PID1: variants seen among roughly 807,000 people sequenced by gnomAD.
PID1 encodes the protein PTB-containing, cubilin and LRP1-interacting protein.
A neutral mutation model predicts 19.1 loss-of-function variants in PID1; 10 were observed. That is an observed-to-expected ratio of 0.52 (90% CI 0.32 to 0.89). The LOEUF (loss-of-function observed/expected upper bound fraction) is 0.89. Among genes scored for constraint, PID1 ranks in the 40% least tolerant of loss-of-function variants. The pLI, the probability that PID1 is intolerant of heterozygous loss-of-function variation, is 0.03. For synonymous variants in PID1, 130 were observed against 116.0 expected, an observed-to-expected ratio of 1.12 and a Z score of -0.78; for missense variants, 248 against 285.3, an observed-to-expected ratio of 0.87 and a Z score of 0.94.
intron 2 of PID1, among the ~76,000 whole-genome samples, chr2:229,068,260 G>T (rs548506761): frequency 6.6e-6 from 1 of 152,152 alleles, no homozygotes; most frequent in Non-Finnish European, 1.5e-5. Context: ...GGGTGGCCTG[G>T]TGTGTTGGGA....
intron 1 of PID1, among the ~76,000 whole-genome samples, chr2:229,197,248 C>T (rs1691397570): frequency 6.6e-6 from 1 of 151,768 alleles, no homozygotes; most frequent in South Asian, 2.1e-4. Flanking sequence ...TTGATATAAC[C>T]CAAATCAAAG....
chr2:229,174,358 G>A (rs531006344), intron 1 of PID1, among the ~76,000 whole-genome samples: 9 of 152,232 alleles, frequency 5.9e-5, no homozygotes, highest in Middle Eastern at 3.4e-3. Context: ...CGGAGCTCAC[G>A]GTCAGGTAAT....
At chr2:229,211,856 G>T (rs148365458) in intron 1 of PID1, among the ~76,000 whole-genome samples, 2 of 152,172 alleles carry the variant, frequency 1.3e-5, no homozygotes, top group Non-Finnish European at 2.9e-5. Flanking sequence ...CAATATATTC[G>T]CAAATTCCAA....
intron 1 of PID1, among the ~76,000 whole-genome samples, chr2:229,214,248 G>T (rs1048016934): frequency 2.7e-5 from 4 of 149,204 alleles, no homozygotes; most frequent in African/African-American, 9.9e-5. Flanking sequence ...CTAGCAAGTG[G>T]TAGAGCAAAG....
intron 1 of PID1, among the ~76,000 whole-genome samples, chr2:229,266,145 T>C (rs1458512605): frequency 2.6e-5 from 4 of 152,158 alleles, no homozygotes; most frequent in Non-Finnish European, 5.9e-5. Context: ...TCAACTACAA[T>C]TGATGAAAAC....
chr2:229,068,630 T>C (rs1296336767), intron 2 of PID1, among the ~76,000 whole-genome samples: 2 of 152,188 alleles, frequency 1.3e-5, no homozygotes, highest in Non-Finnish European at 2.9e-5. Context: ...TCTGACTTCC[T>C]TGAGGTGAAA....
intron 1 of PID1, among the ~76,000 whole-genome samples, chr2:229,169,702 T>C (rs899949076): frequency 2.0e-5 from 3 of 152,186 alleles, no homozygotes; most frequent in Non-Finnish European, 4.4e-5. Context: ...GTGGTCAGCT[T>C]CCTATCTGCC....
At chr2:229,046,349 T>TGA (rs771992742) in intron 2 of PID1, among the ~76,000 whole-genome samples, 1 of 102,138 alleles carries the variant, frequency 9.8e-6, no homozygotes, top group Non-Finnish European at 2.5e-5. Context: ...ATTAGGAAAG[T>TGA]GTGTGTGTGT....
intron 2 of PID1, among the ~76,000 whole-genome samples, chr2:229,079,389 T>A (rs987333363): frequency 6.6e-6 from 1 of 152,222 alleles, no homozygotes; most frequent in African/African-American, 2.4e-5. Flanking sequence ...AAATAACATA[T>A]CTATTGAATC....
chr2:229,127,652 T>G (rs890397471), intron 2 of PID1, among the ~76,000 whole-genome samples: 1 of 152,180 alleles, frequency 6.6e-6, no homozygotes, highest in Non-Finnish European at 1.5e-5. Context: ...GGTTGTACAG[T>G]GGCATCCCCG....
At chr2:229,035,384 G>A (rs912017356) in intron 2 of PID1, among the ~76,000 whole-genome samples, 3 of 152,046 alleles carry the variant, frequency 2.0e-5, no homozygotes, top group African/African-American at 7.2e-5. Flanking sequence ...GGACTCGCCA[G>A]CCCCTACAAT....
intron 2 of PID1, among the ~76,000 whole-genome samples, chr2:229,134,762 C>A (rs1290981154): frequency 6.6e-6 from 1 of 152,018 alleles, no homozygotes; most frequent in Non-Finnish European, 1.5e-5. Flanking sequence ...AGTCATGTGG[C>A]AGTATTAAGC....
chr2:229,101,971 C>T lies in PID1; in HGVS notation c.177+53847G>A, dbSNP rs191915342. On this transcript the variant is annotated intron_variant, in intron 2 of 2. Transcript: ENST00000392055. ...ATTGTCTAGGTGGGTCTAATGTAAT[C>T]ATCAAGGCCCTTAAATGTAGAGAGG... Among the ~76,000 whole-genome samples, 121 of 152,226 alleles carry T rather than the reference C, an allele frequency of 7.9e-4. 1 individual carries two copies. Among genetic ancestry groups the T allele is most frequent in the African/African-American group, 2.8e-3 (118 of 41,532 alleles).
intron 2 of PID1, 118 bp downstream of exon 2, chr2:229,155,700 T>G: frequency 1.1e-6 from 1 of 920,232 alleles, no homozygotes; most frequent in South Asian, 2.0e-5. Flanking sequence ...TTTATTTTGT[T>G]GGTCATTTTA....
At chr2:229,186,333 G>A (rs1200921155) in intron 1 of PID1, among the ~76,000 whole-genome samples, 2 of 152,218 alleles carry the variant, frequency 1.3e-5, no homozygotes, top group South Asian at 2.1e-4. Flanking sequence ...GAGTCTGGAG[G>A]ATGGTGGCCC....
intron 1 of PID1, among the ~76,000 whole-genome samples, chr2:229,193,259 G>A (rs561016486): frequency 6.6e-6 from 1 of 152,298 alleles, no homozygotes; most frequent in African/African-American, 2.4e-5. Context: ...CTGAGTTCAA[G>A]TGAGATTCTT....
At chr2:229,229,371 T>C (rs1022686680) in intron 1 of PID1, among the ~76,000 whole-genome samples, 1 of 152,162 alleles carries the variant, frequency 6.6e-6, no homozygotes, top group Non-Finnish European at 1.5e-5. Context: ...GGATTGCAAT[T>C]GGATGTTCTT....
At chr2:229,084,089 T>C (rs1009711738) in intron 2 of PID1, among the ~76,000 whole-genome samples, 11 of 152,178 alleles carry the variant, frequency 7.2e-5, no homozygotes, top group African/African-American at 2.4e-4. Context: ...CTTTAAATAG[T>C]TACATTCTGC....
chr2:229,032,069 C>A (rs1489619652), intron 2 of PID1, among the ~76,000 whole-genome samples: 4 of 152,052 alleles, frequency 2.6e-5, no homozygotes, highest in Non-Finnish European at 5.9e-5. Flanking sequence ...CTCAAAATAC[C>A]AATGATTCAG....
Sources: allele counts gnomAD v4.1 joint callset (sites outside exome capture counted in the v4.1 genomes callset), GRCh38; gene constraint gnomAD v4.1.1; transcripts MANE v1.5; gene names NCBI Gene and HGNC (gene_info 2026-07-23, HGNC 2026-07-21).